Variants in CCDC47 observed in about 807,000 individuals in gnomAD.
The protein encoded by CCDC47 is PAT complex subunit CCDC47.
A neutral mutation model predicts 60.5 loss-of-function variants in CCDC47; 41 were observed. That is an observed-to-expected ratio of 0.68 (90% CI 0.53 to 0.88). The LOEUF (loss-of-function observed/expected upper bound fraction) is 0.88, where lower values mean the gene tolerates loss of function less well. Ranked by LOEUF, CCDC47 falls within the 40% of genes least tolerant of loss-of-function variation. The pLI is 0.00. For missense variants in CCDC47, 513 were observed against 580.9 expected (o/e 0.88, Z 1.20); for synonymous variants, 195 against 190.7 (o/e 1.02, Z -0.18).
chr17:63,761,814 C>G (rs1309603299), intron 4 of CCDC47: 1 of 980,906 alleles, frequency 1.0e-6, no homozygotes, highest in Non-Finnish European at 1.2e-6. Context: ...TGGACAGGGA[C>G]TGAAATAGAT....
At chr17:63,764,665 CATT>C in intron 3 of CCDC47, 72 bp downstream of exon 3, 1 of 1,312,998 alleles carries the variant, frequency 7.6e-7, no homozygotes, top group Non-Finnish European at 1.1e-6. Flanking sequence ...AGCTATACAT[CATT>C]AATTTTATTT....
At chr17:63,770,716 T>C (rs112969158) in intron 1 of CCDC47, among the ~76,000 whole-genome samples, 2,496 of 152,130 alleles carry the variant, frequency 0.016, 70 homozygotes, top group African/African-American at 0.056. Flanking sequence ...CTGGGCGCAG[T>C]GGCTCACACC....
At chr17:63,767,280 T>C (rs762918698) in intron 1 of CCDC47, among the ~76,000 whole-genome samples, 13 of 152,236 alleles carry the variant, frequency 8.5e-5, no homozygotes, top group African/African-American at 2.9e-4. Flanking sequence ...CAATTGTTCT[T>C]AGTGTGTATG....
chr17:63,754,529 G>C lies in CCDC47; in HGVS notation c.949-11C>G. The C allele has an allele frequency of 6.4e-7, 1 of 1,557,196 alleles. No individual in the cohort carries two copies. Among genetic ancestry groups the C allele is most frequent in the Non-Finnish European group, 8.8e-7 (1 of 1,140,004 alleles). On this transcript the variant is annotated splice_polypyrimidine_tract_variant and intron_variant, in intron 8 of 12. Transcript: ENST00000225726. ...AAGAAAGTGAACCATCTGAAAAAAA[G>C]AAAATAATATTTTTTAAAAGCAAGG...
chr17:63,760,211 C>T (rs968349545), intron 6 of CCDC47, among the ~76,000 whole-genome samples: 2 of 151,962 alleles, frequency 1.3e-5, no homozygotes, highest in African/African-American at 4.8e-5. Context: ...CTTATTCGGC[C>T]AGAAACGTAT....
rs762956918 is a variant in CCDC47, at chr17:63,756,234, A to G, written c.948+6T>C. 1.0e-5 allele frequency: 16 copies of G among 1,602,372 alleles called. No individual in the cohort carries two copies. The highest frequency in any genetic ancestry group is 1.3e-5 in the Non-Finnish European group (15 of 1,169,238). On this transcript the variant is annotated splice_donor_region_variant and intron_variant, in intron 8 of 12. Transcript: ENST00000225726. ...CTGGCAAATGTATGTCTTCTGTCGC[A>G]TTTACCTTTGTATCCATCATTCCGT...
Position 63,759,519 on chromosome 17 carries a change from ATATATATT to A in CCDC47, c.735+1387_735+1394del, listed in dbSNP as rs1466296057. Among the ~76,000 whole-genome samples, 14 of 13,454 alleles carry A rather than the reference ATATATATT, an allele frequency of 1.0e-3. 1 individual carries two copies. The highest frequency in any genetic ancestry group is 4.3e-3 in the African/African-American group (6 of 1,408). 8.8% of individuals were successfully genotyped at this position (13,454 alleles called of 152,430 possible). A position where few individuals can be genotyped will look rare whatever the true frequency, so the allele number is the denominator to read the frequency against. ...AAAAAAAAAAAAAAAATATATATAT[ATATATATT>A]TATATATATATATATATATATATAT... is the stretch of plus-strand genomic sequence containing the variant. On this transcript the variant is annotated intron_variant, in intron 6 of 12. Transcript: ENST00000225726.
At position 63,772,202 on chromosome 17, in the gene CCDC47, C is replaced by G. The variant is rs369405885; in HGVS notation, c.-20+1210G>C. 3.3e-5 allele frequency among the ~76,000 whole-genome samples: 5 copies of G among 151,252 alleles called. No individual in the cohort carries two copies. The East Asian group carries it at 9.7e-4, about 29-fold the overall frequency. On this transcript the variant is annotated intron_variant, in intron 1 of 12. Transcript: ENST00000225726. ...TACAAAAAAGGGATACCATTTGCTA[C>G]TTGCCTCTTAGGGCTGCAGTGGGTA...
chr17:63,761,738 T>A, intron 4 of CCDC47: 2 of 717,904 alleles, frequency 2.8e-6, no homozygotes, highest in Non-Finnish European at 3.4e-6. Flanking sequence ...CTCACGTTCC[T>A]CTACCCTGAC....
intron 1 of CCDC47, among the ~76,000 whole-genome samples, chr17:63,771,011 A>G (rs2039335040): frequency 8.1e-6 from 1 of 123,506 alleles, no homozygotes; most frequent in African/African-American, 2.9e-5. Flanking sequence ...AAAGAAAGAA[A>G]GAAAGGAAGG....
Position 63,752,801 on chromosome 17 carries a change from T to A in CCDC47, c.1035-2A>T. ...GGTAGCTTTAAAGGCTGACCTTCCC[T>A]GTCATAAAAGAAAAGGCAATTAAGA... is the stretch of plus-strand genomic sequence containing the variant. On this transcript the variant is annotated splice_acceptor_variant, in intron 9 of 12. Coordinates refer to ENST00000225726, the MANE Select transcript of CCDC47 (RefSeq NM_020198.3). LOFTEE classifies it high-confidence loss of function. 6.2e-7 allele frequency: 1 copy of A among 1,610,754 alleles called. No homozygotes were observed. Among genetic ancestry groups the A allele is most frequent in the Non-Finnish European group, 8.5e-7 (1 of 1,178,554 alleles).
chr17:63,751,933 G>T lies in CCDC47; in HGVS notation c.1371+7C>A. 2 of 1,613,650 alleles carry T rather than the reference G, an allele frequency of 1.2e-6. No individual in the cohort carries two copies. The highest frequency in any genetic ancestry group is 1.7e-6 in the Non-Finnish European group (2 of 1,179,980). On this transcript the variant is annotated splice_region_variant and intron_variant, in intron 12 of 12. Transcript: ENST00000225726. ...GTAGTTTTACCCCAGTGATAAGTTT[G>T]TCTAACCTCCAGCCTGCGCTGTTTC...
intron 4 of CCDC47, 28 bp from the exon 5 acceptor site, chr17:63,761,379 C>A: frequency 6.2e-7 from 1 of 1,613,006 alleles, no homozygotes; most frequent in South Asian, 1.1e-5. Flanking sequence ...TAATGTGACT[C>A]AACAGAAAAT....
At chr17:63,771,176 C>T (rs1299143638) in intron 1 of CCDC47, among the ~76,000 whole-genome samples, 1 of 151,834 alleles carries the variant, frequency 6.6e-6, no homozygotes, top group East Asian at 1.9e-4. Flanking sequence ...GGTTCCACAT[C>T]TGTGGATTCA....
chr17:63,749,846 T>C lies in CCDC47; in HGVS notation c.1371+2094A>G, dbSNP rs1227691617. On this transcript the variant is annotated intron_variant, in intron 12 of 12. Coordinates refer to ENST00000225726, the MANE Select transcript of CCDC47 (RefSeq NM_020198.3). ...GGCTCACACCTGTATTCCCAGCATA[T>C]TGGGAGGCCGAAGCGGGAGGATGGC... Among the ~76,000 whole-genome samples, 10 of 152,052 alleles carry C rather than the reference T, an allele frequency of 6.6e-5. 1 individual carries two copies. In the South Asian group the frequency reaches 1.0e-3, roughly 16 times the overall value.
chr17:63,761,285 T>G lies in CCDC47; in HGVS notation c.614A>C (p.Tyr205Ser). The change falls in exon 5 of 13, where the codon TAT (tyrosine) becomes TCT (serine). Residue 205 changes from tyrosine to serine, a missense_variant. By Grantham distance (144) the Tyr-to-Ser change is moderately radical. Coordinates refer to ENST00000225726, the MANE Select transcript of CCDC47 (RefSeq NM_020198.3). Reference sequence around the variant, plus strand: ...CACTCGACCAGAACACCACAGGTTATAGATGTGCTCATTCTCCTGGTTCAA... The same window carrying G: ...CACTCGACCAGAACACCACAGGTTAGAGATGTGCTCATTCTCCTGGTTCAA... ...GKLNQENEHI[Y>S]NLWCSGRVCC... is the part of the protein sequence containing the mutation. 1 of 1,614,054 alleles carries G rather than the reference T, an allele frequency of 6.2e-7. No individual in the cohort carries two copies. The highest frequency in any genetic ancestry group is 8.5e-7 in the Non-Finnish European group (1 of 1,179,964).
At chr17:63,751,787 ATTC>A (rs1007290486) in intron 12 of CCDC47, 150 bp downstream of exon 12, 4 of 499,308 alleles carry the variant, frequency 8.0e-6, no homozygotes, top group Admixed American at 3.7e-5. Context: ...AGGATTATTT[ATTC>A]TTCTTTATAG....
chr17:63,752,479 T>C, intron 10 of CCDC47, 50 bp from the exon 11 acceptor site: 1 of 1,265,780 alleles, frequency 7.9e-7, no homozygotes, highest in Non-Finnish European at 1.1e-6. Context: ...GCATTAATAT[T>C]TCCAGGTCAC....
At chr17:63,763,682 G>A (rs542849147) in intron 4 of CCDC47, among the ~76,000 whole-genome samples, 1 of 148,244 alleles carries the variant, frequency 6.7e-6, no homozygotes, top group South Asian at 2.1e-4. Flanking sequence ...AAATGAGCAG[G>A]GCATGGTGGT....
Sources: allele counts gnomAD v4.1 joint callset (sites outside exome capture counted in the v4.1 genomes callset), GRCh38; gene constraint gnomAD v4.1.1; transcripts MANE v1.5; gene names NCBI Gene and HGNC (gene_info 2026-07-23, HGNC 2026-07-21).